ARHGAP8: variants seen among roughly 807,000 people sequenced by gnomAD.
ARHGAP8 encodes rho GTPase-activating protein 8.
Under a neutral mutation model 46.1 loss-of-function variants are expected in ARHGAP8, and 62 were observed. The observed-to-expected ratio is 1.34, with a 90% CI of 1.10 to 1.66. The LOEUF (loss-of-function observed/expected upper bound fraction) is 1.66, where lower values mean the gene tolerates loss of function less well. Ranked by LOEUF, ARHGAP8 falls within the 40% of genes most tolerant of loss-of-function variation. The pLI is 0.00. For missense variants in ARHGAP8, 923 were observed against 568.4 expected, an observed-to-expected ratio of 1.62 and a Z score of -6.34; for synonymous variants, 375 against 243.1, an observed-to-expected ratio of 1.54 and a Z score of -5.05.
Position 44,848,171 on chromosome 22 carries a change from C to A in ARHGAP8, c.748+121C>A, listed in dbSNP as rs113413476. On this transcript the variant is annotated intron_variant, in intron 9 of 11. Coordinates refer to ENST00000356099, the MANE Select transcript of ARHGAP8 (RefSeq NM_181335.3). ...CAACCCACCCAACTCCCAGAAAACA[C>A]TCAGGGTGGGGGCAGCTTCCCAGGA... is the stretch of plus-strand genomic sequence containing the variant. 7,994 of 1,396,722 alleles carry A rather than the reference C, an allele frequency of 5.7e-3. 44 individuals are homozygous for A. The highest frequency in any genetic ancestry group is 6.3e-3 in the Non-Finnish European group (6,495 of 1,028,830). The allele number at this position is 1,396,722 out of a possible 1,614,324, so 86.5% of individuals were successfully genotyped here.
intron 1 of ARHGAP8, among the ~76,000 whole-genome samples, chr22:44,780,745 A>G (rs1926786498): frequency 6.6e-6 from 1 of 152,228 alleles, no homozygotes; most frequent in Non-Finnish European, 1.5e-5. Flanking sequence ...CCACTGGCCA[A>G]TGCCATTAGT....
At chr22:44,792,623 C>G (rs779732848) in intron 2 of ARHGAP8, among the ~76,000 whole-genome samples, 2 of 152,260 alleles carry the variant, frequency 1.3e-5, no homozygotes, top group Non-Finnish European at 2.9e-5. Flanking sequence ...TCCCCACCAA[C>G]GCATTTCTGA....
At chr22:44,755,732 C>T (rs1342500908) in intron 1 of ARHGAP8, among the ~76,000 whole-genome samples, 1 of 152,196 alleles carries the variant, frequency 6.6e-6, no homozygotes, top group Non-Finnish European at 1.5e-5. Flanking sequence ...ATTTTCTCAC[C>T]TCTCAGATGG....
In ARHGAP8 at chr22:44,797,974, A is replaced by G. The variant is rs571664518; in HGVS notation, c.80-4103A>G. On this transcript the variant is annotated intron_variant, in intron 2 of 11. Transcript: ENST00000356099. ...AGGCGTGAGCCACCGCACCTGGCCA[A>G]TAAGATTTTTTTTTTTTTTTTTGAG... Among the ~76,000 whole-genome samples the G allele has an allele frequency of 1.2e-4, 17 of 144,206 alleles. No homozygotes were observed. The South Asian group carries it at 2.9e-3, about 25-fold the overall frequency. The allele number at this position is 144,206 out of a possible 152,430, so 94.6% of individuals were successfully genotyped here.
chr22:44,807,126 C>T (rs1319225320), intron 3 of ARHGAP8, among the ~76,000 whole-genome samples: 1 of 152,178 alleles, frequency 6.6e-6, no homozygotes, highest in Non-Finnish European at 1.5e-5. Context: ...ACCCCACCCA[C>T]AGCCTCAGAG....
At chr22:44,857,362 A>C (rs1171996091) in intron 10 of ARHGAP8, among the ~76,000 whole-genome samples, 1 of 152,086 alleles carries the variant, frequency 6.6e-6, no homozygotes, top group African/African-American at 2.4e-5. Flanking sequence ...AACTGCAGGG[A>C]GGGTCAAAAT....
At chr22:44,838,140 A>ATTTTTTTTT (rs61131873) in intron 7 of ARHGAP8, among the ~76,000 whole-genome samples, 2,250 of 143,388 alleles carry the variant, frequency 0.016, 30 homozygotes, top group South Asian at 0.033. Context: ...TGCCTGGCTA[A>ATTTTTTTTT]TTTTTTTTTT....
rs572655725 is a variant in ARHGAP8, at chr22:44,848,386, G to A, written c.748+336G>A. 1.1e-4 allele frequency among the ~76,000 whole-genome samples: 17 copies of A among 152,314 alleles called. No homozygotes were observed. The South Asian group carries it at 3.5e-3, about 32-fold the overall frequency. ...GTTTTTTTTATCTGGCAGCTCCCCCGAATTGGCTCAGCACGGCTTCCTTAA... is the reference window on the plus strand; with the variant it reads ...GTTTTTTTTATCTGGCAGCTCCCCCAAATTGGCTCAGCACGGCTTCCTTAA... On this transcript the variant is annotated intron_variant, in intron 9 of 11. Coordinates refer to ENST00000356099, the MANE Select transcript of ARHGAP8 (RefSeq NM_181335.3).
intron 2 of ARHGAP8, among the ~76,000 whole-genome samples, chr22:44,799,350 G>A (rs1928320370): frequency 6.6e-6 from 1 of 152,256 alleles, no homozygotes; most frequent in Non-Finnish European, 1.5e-5. Flanking sequence ...GCTCCCATAT[G>A]CAACGGCATG....
Position 44,848,241 on chromosome 22 carries a change from C to G in ARHGAP8, c.748+191C>G, listed in dbSNP as rs74987678. Among the ~76,000 whole-genome samples, 439 of 152,338 alleles carry G rather than the reference C, an allele frequency of 2.9e-3. 1 individual carries two copies. Among genetic ancestry groups the G allele is most frequent in the Non-Finnish European group, 4.4e-3 (296 of 68,020 alleles). On this transcript the variant is annotated intron_variant, in intron 9 of 11. Coordinates refer to ENST00000356099, the MANE Select transcript of ARHGAP8 (RefSeq NM_181335.3). ...GTAGTCCAGAGTGGGGACCTTTTGT[C>G]CAGACCCCCAACCCCACTGGGACAT...
intron 11 of ARHGAP8, among the ~76,000 whole-genome samples, chr22:44,860,055 C>T (rs903974815): frequency 6.6e-6 from 1 of 151,792 alleles, no homozygotes; most frequent in Non-Finnish European, 1.5e-5. Context: ...CCTGCCCCTG[C>T]CTGCTCCTGT....
chr22:44,860,537 A>C (rs2070424261), intron 11 of ARHGAP8, among the ~76,000 whole-genome samples: 2 of 49,690 alleles, frequency 4.0e-5, no homozygotes, highest in Admixed American at 2.4e-4. Context: ...GGATGATCTC[A>C]TCTTGAGATC....
chr22:44,753,611 G>GT (rs1208596176), intron 1 of ARHGAP8, among the ~76,000 whole-genome samples: 2 of 148,386 alleles, frequency 1.3e-5, no homozygotes, highest in African/African-American at 5.0e-5. Flanking sequence ...CCTCAATCCT[G>GT]TGGGGGGTGG....
chr22:44,765,015 T>C (rs1298749133), intron 1 of ARHGAP8, among the ~76,000 whole-genome samples: 2 of 152,092 alleles, frequency 1.3e-5, no homozygotes, highest in African/African-American at 2.4e-5. Context: ...GGGGAAGGGG[T>C]GAAAGGCTTT....
chr22:44,823,887 G>A (rs751573940), intron 6 of ARHGAP8, among the ~76,000 whole-genome samples: 1 of 152,176 alleles, frequency 6.6e-6, no homozygotes, highest in Non-Finnish European at 1.5e-5. Flanking sequence ...CTGTGAGTCA[G>A]AGGGGATGAG....
chr22:44,801,309 A>G (rs71330768), intron 2 of ARHGAP8, among the ~76,000 whole-genome samples: 780 of 37,802 alleles, frequency 0.021, 17 homozygotes, highest in Non-Finnish European at 0.025. Context: ...GTGTGGGGGC[A>G]CCTCTCCCCG....
intron 1 of ARHGAP8, among the ~76,000 whole-genome samples, chr22:44,761,554 T>C (rs1372675760): frequency 1.3e-5 from 2 of 152,216 alleles, no homozygotes; most frequent in Non-Finnish European, 2.9e-5. Flanking sequence ...GGCTTGAGCA[T>C]CTGTGGATTT....
chr22:44,859,352 T>TGGCAC (rs1312315889), intron 10 of ARHGAP8, among the ~76,000 whole-genome samples: 1 of 120,054 alleles, frequency 8.3e-6, no homozygotes, highest in Non-Finnish European at 1.9e-5. Flanking sequence ...ATGTGGCACC[T>TGGCAC]CTGTCCCACT....
rs1021725290 is a variant in ARHGAP8 at position 44,766,378 on chromosome 22, G to A, written c.-72+13751G>A. ...TCTGACGGCCCAGAACTGCAGGTGC[G>A]GAGGAGTCAGAGTGTGTGTGGGCAC... On this transcript the variant is annotated intron_variant, in intron 1 of 11. Coordinates refer to ENST00000356099, the MANE Select transcript of ARHGAP8 (RefSeq NM_181335.3). Among the ~76,000 whole-genome samples, 3 of 152,160 alleles carry A rather than the reference G, an allele frequency of 2.0e-5. 1 individual carries two copies. The highest frequency in any genetic ancestry group is 4.1e-4 in the South Asian group (2 of 4,820).
Sources: gnomAD v4.1 joint callset for allele counts (sites outside exome capture counted in the v4.1 genomes callset) on GRCh38, gnomAD v4.1.1 for gene constraint, MANE v1.5 for transcripts, NCBI Gene and HGNC (gene_info 2026-07-23, HGNC 2026-07-21) for gene names.